Variants in KLRG1 observed in about 807,000 individuals in gnomAD.
The protein encoded by KLRG1 is killer cell lectin-like receptor subfamily G member 1.
In KLRG1, 16 loss-of-function variants were observed where a neutral mutation model predicts 21.8. That is an observed-to-expected ratio of 0.73 (90% CI 0.50 to 1.11). The LOEUF (loss-of-function observed/expected upper bound fraction) is 1.11. KLRG1 is among the 50% of genes most tolerant of loss of function. The probability of loss-of-function intolerance (pLI) is 0.00; values close to 1 mark genes in which losing one functional copy is unlikely to be tolerated. For missense variants in KLRG1, 173 were observed against 218.3 expected, an observed-to-expected ratio of 0.79 and a Z score of 1.31; for synonymous variants, 69 against 75.9, an observed-to-expected ratio of 0.91 and a Z score of 0.47.
chr12:9,187,368 A>G, the KLRG1 span, among the ~76,000 whole-genome samples: 44 of 152,274 alleles, frequency 2.9e-4, 1 homozygote, highest in African/African-American at 1.0e-3. Context: ...ACTACAAAAC[A>G]ACAACACATA....
At chr12:9,116,881 CTG>C in the KLRG1 span, among the ~76,000 whole-genome samples, 63 of 149,852 alleles carry the variant, frequency 4.2e-4, no homozygotes, top group Non-Finnish European at 7.0e-4. Flanking sequence ...ATAACACCTA[CTG>C]TATAAAATAC....
upstream of KLRG1, among the ~76,000 whole-genome samples, chr12:8,988,605 T>G (rs1946885015): frequency 6.6e-6 from 1 of 152,142 alleles, no homozygotes; most frequent in South Asian, 2.1e-4. Flanking sequence ...AGACGGAGTT[T>G]CACTCTTGTT....
At chr12:9,075,871 G>C in the KLRG1 span, among the ~76,000 whole-genome samples, 1 of 152,156 alleles carries the variant, frequency 6.6e-6, no homozygotes, top group Non-Finnish European at 1.5e-5. Context: ...ATCTATGAGA[G>C]AGTTGTACAG....
the KLRG1 span, among the ~76,000 whole-genome samples, chr12:9,215,467 T>G: frequency 1.3e-5 from 2 of 152,042 alleles, no homozygotes; most frequent in South Asian, 2.1e-4. Flanking sequence ...AATTACGTTT[T>G]TAATAAATAC....
chr12:9,093,715 T>A, the KLRG1 span: 1 of 512,538 alleles, frequency 2.0e-6, no homozygotes. Context: ...GAGAGGGCGC[T>A]TGGGTCATCA....
intron 1 of KLRG1, among the ~76,000 whole-genome samples, chr12:8,983,097 T>G (rs1411480195): frequency 6.6e-6 from 1 of 152,214 alleles, no homozygotes; most frequent in African/African-American, 2.4e-5. Flanking sequence ...TTGCCTTATC[T>G]GTTTTACTTT....
chr12:9,199,014 G>A, the KLRG1 span, among the ~76,000 whole-genome samples: 5 of 152,136 alleles, frequency 3.3e-5, no homozygotes, highest in African/African-American at 1.2e-4. Context: ...AACTGTAAGA[G>A]GTATCTGTAA....
At chr12:9,117,822 C>T in the KLRG1 span, among the ~76,000 whole-genome samples, 1 of 152,056 alleles carries the variant, frequency 6.6e-6, no homozygotes, top group Non-Finnish European at 1.5e-5. Flanking sequence ...TTATTTAATC[C>T]AATATATCCA....
chr12:9,107,755 C>G, the KLRG1 span: 2 of 1,249,666 alleles, frequency 1.6e-6, no homozygotes, highest in South Asian at 3.0e-5. Context: ...GTACTTCCCT[C>G]TGCTCTCTGC....
At chr12:9,124,359 C>T in the KLRG1 span, among the ~76,000 whole-genome samples, 285 of 152,280 alleles carry the variant, frequency 1.9e-3, 1 homozygote, top group African/African-American at 6.6e-3. Flanking sequence ...AGGCTGCAGA[C>T]CGCGGCCTCC....
At chr12:9,107,440 C>T in the KLRG1 span, 2 of 1,520,090 alleles carry the variant, frequency 1.3e-6, no homozygotes, top group Non-Finnish European at 1.8e-6. Flanking sequence ...TTGTTCTCTT[C>T]CTGCGTCAGA....
the KLRG1 span, among the ~76,000 whole-genome samples, chr12:9,213,503 T>G: frequency 6.6e-6 from 1 of 152,112 alleles, no homozygotes; most frequent in Non-Finnish European, 1.5e-5. Context: ...CTGTCTATAT[T>G]TAATTTTTAG....
the KLRG1 span, among the ~76,000 whole-genome samples, chr12:9,023,321 A>G: frequency 6.6e-6 from 1 of 152,078 alleles, no homozygotes; most frequent in Non-Finnish European, 1.5e-5. Flanking sequence ...TGTGGGGAAA[A>G]ATCCCTACAC....
At chr12:8,974,267 A>C (rs1012941883) in intron 1 of KLRG1, among the ~76,000 whole-genome samples, 3 of 151,620 alleles carry the variant, frequency 2.0e-5, no homozygotes, top group Non-Finnish European at 4.4e-5. Flanking sequence ...TCCCGGGTTC[A>C]TGCCATTCTT....
intron 3 of KLRG1, among the ~76,000 whole-genome samples, chr12:8,999,445 A>G (rs912543957): frequency 1.3e-5 from 2 of 152,158 alleles, no homozygotes; most frequent in Admixed American, 1.3e-4. Context: ...ACAACCTCTC[A>G]TTCAACTTTA....
At chr12:9,081,510 C>A in the KLRG1 span, among the ~76,000 whole-genome samples, 1 of 152,208 alleles carries the variant, frequency 6.6e-6, no homozygotes, top group Non-Finnish European at 1.5e-5. Context: ...TAGCTGCTAT[C>A]CACAGATCAG....
the KLRG1 span, among the ~76,000 whole-genome samples, chr12:9,080,817 G>T: frequency 6.6e-6 from 1 of 151,900 alleles, no homozygotes; most frequent in Non-Finnish European, 1.5e-5. Flanking sequence ...GAGAAGTATG[G>T]TATTTATTTT....
chr12:9,083,754 GA>G, the KLRG1 span, among the ~76,000 whole-genome samples: 55,362 of 142,314 alleles, frequency 0.39, 11,015 homozygotes, highest in African/African-American at 0.49. Flanking sequence ...TATAGAATCA[GA>G]AAAAAAAAAA....
At chr12:9,181,550 T>G in the KLRG1 span, among the ~76,000 whole-genome samples, 1 of 152,346 alleles carries the variant, frequency 6.6e-6, no homozygotes, top group Non-Finnish European at 1.5e-5. Context: ...TAACAAAATA[T>G]AGCTTCTCGG....
Sources: allele counts gnomAD v4.1 joint callset (sites outside exome capture counted in the v4.1 genomes callset), GRCh38; gene constraint gnomAD v4.1.1; transcripts MANE v1.5; gene names NCBI Gene and HGNC (gene_info 2026-07-23, HGNC 2026-07-21).